Variants in SEC14L1 observed in about 807,000 individuals in gnomAD.
The protein encoded by SEC14L1 is SEC14 like lipid binding 1, also known as SEC14-like protein 1.
A neutral mutation model predicts 85.3 loss-of-function variants in SEC14L1; 48 were observed. That is an observed-to-expected ratio of 0.56 (90% CI 0.45 to 0.72). The LOEUF is 0.72. SEC14L1 is among the 30% of genes least tolerant of loss of function. The pLI is 0.00. For missense variants in SEC14L1, 682 were observed against 921.4 expected (o/e 0.74, Z 3.36); for synonymous variants, 391 against 355.5 (o/e 1.10, Z -1.12).
chr17:77,205,941 CTG>C (rs1414113728), intron 11 of SEC14L1, among the ~76,000 whole-genome samples: 1 of 152,162 alleles, frequency 6.6e-6, no homozygotes, highest in Non-Finnish European at 1.5e-5. Context: ...GGACAGCACA[CTG>C]TGGCTTTGCT....
chr17:77,140,189 C>G (rs1233391106), upstream of SEC14L1, among the ~76,000 whole-genome samples: 1 of 152,234 alleles, frequency 6.6e-6, no homozygotes, highest in Non-Finnish European at 1.5e-5. Flanking sequence ...TGGGGCTGGA[C>G]GGTGCTCTCC....
At position 77,216,724 on chromosome 17, in the gene SEC14L1, T is replaced by A; in HGVS notation, c.*2701T>A. 4 of 1,325,264 alleles carry A rather than the reference T, an allele frequency of 3.0e-6. No homozygotes were observed. Among genetic ancestry groups the A allele is most frequent in the Non-Finnish European group, 4.2e-6 (4 of 947,422 alleles). The allele number at this position is 1,325,264 out of a possible 1,614,324, so 82.1% of individuals were successfully genotyped here. A position where few individuals can be genotyped will look rare whatever the true frequency, so the allele number is the denominator to read the frequency against. On this transcript the variant is annotated 3_prime_UTR_variant, in exon 17 of 17. Transcript: ENST00000436233. Reference sequence around the variant, plus strand: ...ATTCTTTTATACCCAAAGACTGTAGTGCATCTTGAAGAGCTCAAAGCACAT... The same window carrying A: ...ATTCTTTTATACCCAAAGACTGTAGAGCATCTTGAAGAGCTCAAAGCACAT...
At chr17:77,097,266 G>C (rs1294351507) in intron 3 of SEC14L1, among the ~76,000 whole-genome samples, 1 of 152,236 alleles carries the variant, frequency 6.6e-6, no homozygotes, top group Non-Finnish European at 1.5e-5. Context: ...AGCCAGCACA[G>C]TTAAGAGTGC....
rs940546151 is a variant in SEC14L1, at chr17:77,190,743, C to G, written c.64-60C>G. On this transcript the variant is annotated intron_variant, in intron 3 of 16. Transcript: ENST00000436233. ...GCTGTTCCAGGGAGAACACAGTCAG[C>G]GGCAGGACATCAGGTTGTGTCTTTG... The G allele has an allele frequency of 2.5e-6, 4 of 1,570,786 alleles. No homozygotes were observed. In the Admixed American group the frequency reaches 6.8e-5, roughly 27 times the overall value.
At position 77,213,587 on chromosome 17, in the gene SEC14L1, G is replaced by A. The variant is rs570283143; in HGVS notation, c.2042+95G>A. On this transcript the variant is annotated intron_variant, in intron 16 of 16. Transcript: ENST00000436233. The surrounding 1 kb of genome is among the most constrained non-coding windows in gnomAD (Gnocchi z 7.1). Reference sequence around the variant, plus strand: ...CGCCGTGTGCAGGATCAGCAGTGGCGGCGGGTGTCAGGAATGCTTGGAGGG... The same window carrying A: ...CGCCGTGTGCAGGATCAGCAGTGGCAGCGGGTGTCAGGAATGCTTGGAGGG... 8.2e-6 allele frequency: 12 copies of A among 1,467,016 alleles called. No individual in the cohort carries two copies. The African/African-American group carries it at 8.3e-5, about 10-fold the overall frequency. 90.9% of individuals were successfully genotyped at this position (1,467,016 alleles called of 1,614,324 possible).
At chr17:77,134,784 G>T (rs1356012581) in intron 3 of SEC14L1, among the ~76,000 whole-genome samples, 2 of 152,140 alleles carry the variant, frequency 1.3e-5, no homozygotes, top group Non-Finnish European at 2.9e-5. Context: ...TGTTGAGACA[G>T]GGTCTCACTG....
chr17:77,162,896 G>C (rs1235192052), intron 3 of SEC14L1, among the ~76,000 whole-genome samples: 2 of 152,036 alleles, frequency 1.3e-5, no homozygotes, highest in Non-Finnish European at 2.9e-5. Context: ...ACATTTTGGA[G>C]TGCTTTGTAG....
intron 3 of SEC14L1, among the ~76,000 whole-genome samples, chr17:77,169,979 G>A (rs1451150689): frequency 1.3e-5 from 2 of 152,146 alleles, no homozygotes; most frequent in Admixed American, 6.5e-5. Context: ...AAGTATCACA[G>A]AACTACCAGT....
intron 3 of SEC14L1, among the ~76,000 whole-genome samples, chr17:77,114,317 G>T (rs768813634): frequency 6.6e-6 from 1 of 151,898 alleles, no homozygotes; most frequent in Non-Finnish European, 1.5e-5. Context: ...GAGGTCAGGA[G>T]TTCGAGACCA....
At chr17:77,190,528 A>T (rs886309815) in intron 3 of SEC14L1, among the ~76,000 whole-genome samples, 1 of 152,208 alleles carries the variant, frequency 6.6e-6, no homozygotes, top group Non-Finnish European at 1.5e-5. Flanking sequence ...ATTTTAAAAC[A>T]ATCTTGTCTA....
At chr17:77,143,479 T>TA (rs1973147886) in intron 2 of SEC14L1, 88 bp from the exon 3 acceptor site, 2 of 698,486 alleles carry the variant, frequency 2.9e-6, no homozygotes, top group South Asian at 3.8e-5. Flanking sequence ...TTTCTGTCGT[T>TA]AGAGTGTGGT....
intron 3 of SEC14L1, among the ~76,000 whole-genome samples, chr17:77,144,252 A>G (rs773877995): frequency 1.4e-4 from 22 of 152,194 alleles, no homozygotes; most frequent in Non-Finnish European, 5.9e-5. Context: ...TATTATTAAG[A>G]TATAACATAC....
chr17:77,164,402 C>T (rs1413405839), intron 3 of SEC14L1, among the ~76,000 whole-genome samples: 1 of 152,216 alleles, frequency 6.6e-6, no homozygotes, highest in Non-Finnish European at 1.5e-5. Context: ...AAAAACCTCC[C>T]AATTTCCCCC....
intron 3 of SEC14L1, among the ~76,000 whole-genome samples, chr17:77,172,506 A>G (rs903979528): frequency 9.2e-5 from 14 of 152,070 alleles, no homozygotes; most frequent in African/African-American, 3.4e-4. Flanking sequence ...TGTGGGGCGG[A>G]CAGCATGATC....
intron 13 of SEC14L1, among the ~76,000 whole-genome samples, chr17:77,207,382 CA>C (rs765205580): frequency 1.3e-5 from 2 of 152,098 alleles, no homozygotes; most frequent in Non-Finnish European, 2.9e-5. Flanking sequence ...AGGCGTGCAC[CA>C]CCATACCCAG....
In SEC14L1 at chr17:77,179,460, A is replaced by G. The variant is rs563801333; in HGVS notation, c.64-11343A>G. ...GAGAAGGCCCTAGAAAAGAAACCCA[A>G]CCTTTTTTGTTGGGTTACTTCGCAT... On this transcript the variant is annotated intron_variant, in intron 3 of 16. Coordinates refer to ENST00000436233, the MANE Select transcript of SEC14L1 (RefSeq NM_001143998.2). Among the ~76,000 whole-genome samples, 15 of 151,918 alleles carry G rather than the reference A, an allele frequency of 9.9e-5. No homozygotes were observed. In the South Asian group the frequency reaches 2.7e-3, roughly 27 times the overall value.
chr17:77,209,555 C>A, intron 14 of SEC14L1, 79 bp downstream of exon 14: 9 of 1,500,668 alleles, frequency 6.0e-6, no homozygotes, highest in Non-Finnish European at 8.1e-6. Flanking sequence ...TCCTGGCAGC[C>A]TTTCATTCAG....
At chr17:77,194,411 C>T (rs554875430) in intron 6 of SEC14L1, among the ~76,000 whole-genome samples, 30 of 151,964 alleles carry the variant, frequency 2.0e-4, no homozygotes, top group East Asian at 1.5e-3. Flanking sequence ...AAAAATTAGC[C>T]GGATGAGGTG....
At chr17:77,150,083 G>A (rs1042993179) in intron 3 of SEC14L1, among the ~76,000 whole-genome samples, 7 of 152,124 alleles carry the variant, frequency 4.6e-5, no homozygotes, top group African/African-American at 9.7e-5. Context: ...TAAATGGCCC[G>A]AGTACAAAAG....
Sources: gnomAD v4.1 joint callset for allele counts (sites outside exome capture counted in the v4.1 genomes callset) on GRCh38, gnomAD v4.1.1 for gene constraint, Gnocchi (gnomAD v3.1) non-coding constraint, MANE v1.5 for transcripts, NCBI Gene and HGNC (gene_info 2026-07-23, HGNC 2026-07-21) for gene names.